The following XRN2 variants were observed in gnomAD, a reference collection of about 807,000 sequenced individuals.
The protein encoded by XRN2 is DHM1-like protein.
A neutral mutation model predicts 138.5 loss-of-function variants in XRN2; 44 were observed. The ratio of observed to expected loss-of-function variants is 0.32; its 90% CI spans 0.25 to 0.41. The LOEUF (loss-of-function observed/expected upper bound fraction) is 0.41. Among genes scored for constraint, XRN2 ranks in the 10% least tolerant of loss-of-function variants. XRN2 has a pLI of 1.00. For synonymous variants in XRN2, 354 were observed against 369.4 expected (o/e 0.96, Z 0.48); for missense variants, 937 against 1,169.3 (o/e 0.80, Z 2.90).
chr20:21,377,264 C>CTTTTTCTTTTTTTTTTTTTT (rs1555788242), intron 27 of XRN2, among the ~76,000 whole-genome samples: 1 of 82,782 alleles, frequency 1.2e-5, no homozygotes, highest in Non-Finnish European at 2.1e-5. Context: ...TCGGTTTTTT[C>CTTTTTCTTTTTTTTTTTTTT]TTTTTTTTTT....
chr20:21,356,779 A>G (rs527644623), intron 23 of XRN2, 114 bp downstream of exon 23: 28 of 944,390 alleles, frequency 3.0e-5, no homozygotes, highest in Admixed American at 1.1e-4. Context: ...TGTATTTAAA[A>G]TAAGACAAAA....
At chr20:21,334,357 T>C (rs948781935) in intron 13 of XRN2, among the ~76,000 whole-genome samples, 172 bp downstream of exon 13, 1 of 152,244 alleles carries the variant, frequency 6.6e-6, no homozygotes, top group African/African-American at 2.4e-5. Context: ...GTTGTGCTGC[T>C]TGCTCTGTGG....
intron 1 of XRN2, among the ~76,000 whole-genome samples, chr20:21,305,281 G>A (rs1389171379): frequency 6.6e-6 from 1 of 152,118 alleles, no homozygotes; most frequent in Non-Finnish European, 1.5e-5. Flanking sequence ...ATTTAGAGAC[G>A]GAGTCTCGCT....
rs146660818 is a variant in XRN2, at chr20:21,345,222, G to A, written c.1529+1014G>A. On this transcript the variant is annotated intron_variant, in intron 16 of 29. Transcript: ENST00000377191. ...ATCATGATCAATACTAGTTTAATAG[G>A]TAACTTGATTTGTTTAGTATTTTAT... is the stretch of plus-strand genomic sequence containing the variant. 2.2e-3 allele frequency among the ~76,000 whole-genome samples: 329 copies of A among 152,208 alleles called. 2 individuals carry two copies. The highest frequency in any genetic ancestry group is 7.6e-3 in the African/African-American group (316 of 41,542).
Position 21,326,331 on chromosome 20 carries a change from C to T in XRN2, c.128C>T (p.Pro43Leu). 6.2e-7 allele frequency: 1 copy of T among 1,613,762 alleles called. No individual in the cohort carries two copies. Among genetic ancestry groups the T allele is most frequent in the Non-Finnish European group, 8.5e-7 (1 of 1,179,854 alleles). The change falls in exon 2 of 30, where the codon CCA becomes CTA. Residue 43 changes from proline (P) to leucine (L), a missense_variant. By Grantham distance (98) the Pro-to-Leu change is moderately conservative. Coordinates refer to ENST00000377191, the MANE Select transcript of XRN2 (RefSeq NM_012255.5). Reference protein sequence around the residue: ...KIPVDASKPNPNDVEFDNLYL... With the variant: ...KIPVDASKPNLNDVEFDNLYL... ...CCAGTTGATGCCAGTAAACCTAATC[C>T]AAATGATGTGGAGTTTGATAATCTG... is the stretch of plus-strand genomic sequence containing the variant.
At position 21,333,877 on chromosome 20, in the gene XRN2, G is replaced by C. The variant is rs564577478; in HGVS notation, c.1067+40G>C. 3.7e-6 allele frequency: 6 copies of C among 1,614,026 alleles called. No individual in the cohort carries two copies. The African/African-American group carries it at 4.0e-5, about 11-fold the overall frequency. On this transcript the variant is annotated intron_variant, in intron 11 of 29. Coordinates refer to ENST00000377191, the MANE Select transcript of XRN2 (RefSeq NM_012255.5). ...GTAGCTTTTCAAACGACTGTTTTAGGCTTCTTGACTTTACTGTGCCTACTG... is the reference window on the plus strand; with the variant it reads ...GTAGCTTTTCAAACGACTGTTTTAGCCTTCTTGACTTTACTGTGCCTACTG...
At chr20:21,355,996 T>C (rs970699355) in intron 21 of XRN2, 84 bp from the exon 22 acceptor site, 28 of 890,364 alleles carry the variant, frequency 3.1e-5, no homozygotes, top group Middle Eastern at 2.3e-4. Context: ...ACTTAGATGC[T>C]TTCCCTTGTT....
At position 21,340,767 on chromosome 20, in the gene XRN2, C is replaced by A; in HGVS notation, c.1325C>A (p.Ala442Asp). The A allele has an allele frequency of 6.2e-7, 1 of 1,613,900 alleles. No individual in the cohort carries two copies. Among genetic ancestry groups the A allele is most frequent in the Non-Finnish European group, 8.5e-7 (1 of 1,179,850 alleles). ...FTPSGILTPH[A>D]LGSRNSPGSQ... ...CCTAGTGGAATATTAACTCCTCATG[C>A]CTTGGGTTCAAGAAATTCACCAGGT... is the stretch of plus-strand genomic sequence containing the variant. The change falls in exon 15 of 30, where the codon GCC becomes GAC. Residue 442 changes from alanine to aspartate, a missense_variant. Around this residue, in one of 6 missense-constraint regions of XRN2, gnomAD observed 471 missense variants for 581.2 expected, o/e 0.81. Coordinates refer to ENST00000377191, the MANE Select transcript of XRN2 (RefSeq NM_012255.5).
At chr20:21,355,493 T>G (rs1257624420) in intron 21 of XRN2, among the ~76,000 whole-genome samples, 2 of 152,176 alleles carry the variant, frequency 1.3e-5, no homozygotes, top group African/African-American at 4.8e-5. Flanking sequence ...CTGTATATGT[T>G]TCCTTAGGGA....
intron 27 of XRN2, among the ~76,000 whole-genome samples, chr20:21,370,897 T>C (rs1188235556): frequency 5.3e-5 from 8 of 152,218 alleles, no homozygotes; most frequent in Admixed American, 5.2e-4. Context: ...ATGAATGTCT[T>C]CATGAAGGCT....
intron 13 of XRN2, among the ~76,000 whole-genome samples, chr20:21,335,591 A>T (rs1332817886): frequency 6.6e-6 from 1 of 152,212 alleles, no homozygotes; most frequent in Non-Finnish European, 1.5e-5. Flanking sequence ...AGTTTTTTGC[A>T]TATAGAATTC....
chr20:21,381,267 T>G (rs1381735912), intron 27 of XRN2, among the ~76,000 whole-genome samples: 1 of 152,186 alleles, frequency 6.6e-6, no homozygotes, highest in Non-Finnish European at 1.5e-5. Context: ...CAGTTTTAAT[T>G]AGGTCACAGC....
chr20:21,365,860 A>T (rs555220878), intron 26 of XRN2, among the ~76,000 whole-genome samples, 156 bp downstream of exon 26: 30 of 84,332 alleles, frequency 3.6e-4, no homozygotes, highest in African/African-American at 1.3e-3. Context: ...TTACATATAT[A>T]ATATATAATT....
chr20:21,384,228 T>G (rs1304029359), intron 28 of XRN2, among the ~76,000 whole-genome samples: 2 of 152,152 alleles, frequency 1.3e-5, no homozygotes, highest in African/African-American at 4.8e-5. Flanking sequence ...GCCACATTGT[T>G]TGGGTTCTTC....
At chr20:21,319,732 TA>T (rs2122183295) in intron 1 of XRN2, among the ~76,000 whole-genome samples, 1 of 152,262 alleles carries the variant, frequency 6.6e-6, no homozygotes, top group African/African-American at 2.4e-5. Context: ...ATATTATTGT[TA>T]TATATATTAC....
At position 21,347,493 on chromosome 20, in the gene XRN2, A is replaced by C. The variant is rs369257681; in HGVS notation, c.1666-653A>C. 7.2e-5 allele frequency among the ~76,000 whole-genome samples: 11 copies of C among 152,222 alleles called. No individual in the cohort carries two copies. The East Asian group carries it at 1.7e-3, about 24-fold the overall frequency. On this transcript the variant is annotated intron_variant, in intron 17 of 29. Transcript: ENST00000377191. ...TGACAAGTAGAAAGTAACACAGTGC[A>C]CTGAGTATTGACCGTTAAGTACTCT...
intron 1 of XRN2, among the ~76,000 whole-genome samples, chr20:21,311,407 G>A (rs1351949348): frequency 6.6e-6 from 1 of 152,132 alleles, no homozygotes; most frequent in South Asian, 2.1e-4. Flanking sequence ...GCATGTCTCA[G>A]AATTTCATTC....
chr20:21,308,739 T>G (rs1054738008), intron 1 of XRN2, among the ~76,000 whole-genome samples: 1 of 152,246 alleles, frequency 6.6e-6, no homozygotes, highest in African/African-American at 2.4e-5. Flanking sequence ...TTGATATATC[T>G]TTTGCAAATA....
At chr20:21,341,892 T>C (rs2038377141) in intron 15 of XRN2, among the ~76,000 whole-genome samples, 3 of 152,114 alleles carry the variant, frequency 2.0e-5, no homozygotes, top group African/African-American at 7.2e-5. Context: ...GTTTAAACTT[T>C]GCCAGCTGTG....
Sources: allele counts gnomAD v4.1 joint callset (sites outside exome capture counted in the v4.1 genomes callset), GRCh38; gene constraint gnomAD v4.1.1; regional missense constraint gnomAD v4.1.1; transcripts MANE v1.5; gene names NCBI Gene and HGNC (gene_info 2026-07-23, HGNC 2026-07-21).